Variants in EEF1AKMT2 observed in about 807,000 individuals in gnomAD.
EEF1AKMT2 encodes eukaryotic translation elongation factor 1 alpha lysine methyltransferase 2.
Under a neutral mutation model 35.8 loss-of-function variants are expected in EEF1AKMT2, and 32 were observed. The ratio of observed to expected loss-of-function variants is 0.89; its 90% confidence interval spans 0.67 to 1.20. The LOEUF is 1.20. Ranked by LOEUF, EEF1AKMT2 falls within the 50% of genes most tolerant of loss-of-function variation. The pLI, the probability that EEF1AKMT2 is intolerant of heterozygous loss-of-function variation, is 0.00. For synonymous variants in EEF1AKMT2, 121 were observed against 133.7 expected (o/e 0.91, Z 0.65); for missense variants, 330 against 347.5 (o/e 0.95, Z 0.40).
At chr10:124,761,538 T>TA (rs1418156062) in intron 6 of EEF1AKMT2, among the ~76,000 whole-genome samples, 1 of 151,960 alleles carries the variant, frequency 6.6e-6, no homozygotes, top group Non-Finnish European at 1.5e-5. Flanking sequence ...CAGTATGGTT[T>TA]AAAAAAAATT....
At chr10:124,791,672 G>A in intron 1 of EEF1AKMT2, 52 bp downstream of exon 1, 5 of 1,541,410 alleles carry the variant, frequency 3.2e-6, no homozygotes, top group Non-Finnish European at 4.4e-6. Flanking sequence ...CCCTTCTCGG[G>A]GCCCAGGCAG....
Position 124,762,284 on chromosome 10 carries a change from C to A in EEF1AKMT2, c.875+16G>T. On this transcript the variant is annotated intron_variant, in intron 6 of 6. Coordinates refer to ENST00000368836, the MANE Select transcript of EEF1AKMT2 (RefSeq NM_212554.4). Reference sequence around the variant, plus strand: ...TTTTGCTTTTAAAAAATAAATAAAGCTGGAAGGTCACTTACTAAAATGCCA... The same window carrying A: ...TTTTGCTTTTAAAAAATAAATAAAGATGGAAGGTCACTTACTAAAATGCCA... 1 of 1,059,554 alleles carries A rather than the reference C, an allele frequency of 9.4e-7. No individual in the cohort carries two copies. The highest frequency in any genetic ancestry group is 3.1e-5 in the South Asian group (1 of 32,018). The allele number at this position is 1,059,554 out of a possible 1,614,324, so 65.6% of individuals were successfully genotyped here. A position where few individuals can be genotyped will look rare whatever the true frequency, so the allele number is the denominator to read the frequency against.
At chr10:124,781,363 G>A (rs1002633753) in intron 3 of EEF1AKMT2, among the ~76,000 whole-genome samples, 13 of 151,630 alleles carry the variant, frequency 8.6e-5, no homozygotes, top group African/African-American at 2.7e-4. Context: ...CAGATCATCC[G>A]AGGTCAGAAA....
chr10:124,782,061 C>T (rs1182282804), intron 3 of EEF1AKMT2, among the ~76,000 whole-genome samples: 1 of 152,088 alleles, frequency 6.6e-6, no homozygotes, highest in Non-Finnish European at 1.5e-5. Flanking sequence ...CACCAAAAGA[C>T]ACAGTCAACT....
chr10:124,764,499 C>G (rs993265980), intron 5 of EEF1AKMT2, among the ~76,000 whole-genome samples: 4 of 152,058 alleles, frequency 2.6e-5, no homozygotes, highest in African/African-American at 9.7e-5. Flanking sequence ...TACAGATTCT[C>G]AGTTCTCACA....
At chr10:124,780,692 G>GA (rs1950532277) in intron 3 of EEF1AKMT2, among the ~76,000 whole-genome samples, 3 of 151,000 alleles carry the variant, frequency 2.0e-5, no homozygotes, top group African/African-American at 7.3e-5. Flanking sequence ...AAAAAAAATA[G>GA]AAAAAACAAA....
At chr10:124,765,264 CAG>C in intron 5 of EEF1AKMT2, 126 bp downstream of exon 5, 1 of 717,786 alleles carries the variant, frequency 1.4e-6, no homozygotes, top group Non-Finnish European at 2.4e-6. Flanking sequence ...AGGTAATTAA[CAG>C]AGAAAAAAGC....
chr10:124,780,270 C>T (rs540904015), intron 3 of EEF1AKMT2, among the ~76,000 whole-genome samples: 1 of 152,150 alleles, frequency 6.6e-6, no homozygotes, highest in Admixed American at 6.6e-5. Context: ...GTTTGCTGAC[C>T]CTTAATTTAG....
chr10:124,760,868 T>G (rs1950324936), intron 6 of EEF1AKMT2, among the ~76,000 whole-genome samples: 1 of 152,204 alleles, frequency 6.6e-6, no homozygotes, highest in Non-Finnish European at 1.5e-5. Context: ...CGAGTTTTTT[T>G]GTTTGTTTGT....
intron 3 of EEF1AKMT2, among the ~76,000 whole-genome samples, chr10:124,778,589 T>G (rs1950508829): frequency 6.6e-6 from 1 of 151,888 alleles, no homozygotes; most frequent in South Asian, 2.1e-4. Context: ...CCAGGTGTGG[T>G]GGCACATGCC....
At chr10:124,778,634 G>C (rs1402874730) in intron 3 of EEF1AKMT2, among the ~76,000 whole-genome samples, 1 of 150,440 alleles carries the variant, frequency 6.6e-6, no homozygotes, top group African/African-American at 2.4e-5. Context: ...TGAGGCAAGA[G>C]AATCACTTGA....
Position 124,774,723 on chromosome 10 carries a change from A to G in EEF1AKMT2, c.351T>C (p.Leu117=). The part of the protein sequence containing the change: ...GIDYSPSAIQ[L]SGSIIEKEGL... ...CTTCTTTTTCTATAATACTTCCAGA[A>G]AGCTGAATTGCAGAAGGAGAGTAAT... The change falls in exon 4 of 7, where the codon CTT becomes CTC. Residue 117 remains leucine (L), a synonymous_variant. Coordinates refer to ENST00000368836, the MANE Select transcript of EEF1AKMT2 (RefSeq NM_212554.4). The G allele has an allele frequency of 6.7e-7, 1 of 1,487,446 alleles. No individual in the cohort carries two copies. The allele number at this position is 1,487,446 out of a possible 1,614,324, so 92.1% of individuals were successfully genotyped here. A position where few individuals can be genotyped will look rare whatever the true frequency, so the allele number is the denominator to read the frequency against.
At chr10:124,765,357 G>T (rs551672494) in intron 5 of EEF1AKMT2, 35 bp downstream of exon 5, 5 of 1,551,944 alleles carry the variant, frequency 3.2e-6, no homozygotes, top group South Asian at 2.2e-5. Flanking sequence ...GAAACCTGAG[G>T]TAAGCACACA....
In EEF1AKMT2 at chr10:124,789,094, A is replaced by T; in HGVS notation, c.240T>A (p.Asp80Glu). ...CAGTTCCAATATCAAGCACTGAAGC[A>T]TCCAGTGGAATCTTGTGTTTCTGCA... ...RWMQKHKIPLDASVLDIGTGN... is the reference protein window; with the variant it reads ...RWMQKHKIPLEASVLDIGTGN... The change falls in exon 3 of 7, where the codon GAT becomes GAA. Residue 80 changes from aspartate to glutamate, a missense_variant. Asp to Glu is a conservative substitution (Grantham distance 45, BLOSUM62 2). Coordinates refer to ENST00000368836, the MANE Select transcript of EEF1AKMT2 (RefSeq NM_212554.4). 2 of 1,613,858 alleles carry T rather than the reference A, an allele frequency of 1.2e-6. No homozygotes were observed. The highest frequency in any genetic ancestry group is 1.7e-6 in the Non-Finnish European group (2 of 1,179,868).
chr10:124,789,777 T>G (rs922072001), intron 2 of EEF1AKMT2, among the ~76,000 whole-genome samples: 1 of 147,884 alleles, frequency 6.8e-6, no homozygotes, highest in African/African-American at 2.5e-5. Flanking sequence ...AAAAAAAAAG[T>G]AAAAAATTAA....
At chr10:124,774,134 G>T (rs1375502754) in intron 4 of EEF1AKMT2, among the ~76,000 whole-genome samples, 1 of 152,164 alleles carries the variant, frequency 6.6e-6, no homozygotes, top group South Asian at 2.1e-4. Context: ...CTGGGAGGCC[G>T]AAGCGGGCAG....
intron 3 of EEF1AKMT2, among the ~76,000 whole-genome samples, chr10:124,780,699 CA>C (rs1270904891): frequency 4.7e-5 from 7 of 150,460 alleles, no homozygotes; most frequent in Non-Finnish European, 8.9e-5. Flanking sequence ...ATAGAAAAAA[CA>C]AAAGCTAGAA....
intron 5 of EEF1AKMT2, among the ~76,000 whole-genome samples, chr10:124,764,970 C>T (rs1331349282): frequency 2.0e-5 from 3 of 152,142 alleles, no homozygotes; most frequent in Non-Finnish European, 2.9e-5. Context: ...GGCACAATCT[C>T]GACTCACTGC....
intron 6 of EEF1AKMT2, among the ~76,000 whole-genome samples, chr10:124,761,954 C>T (rs563066350): frequency 5.3e-4 from 80 of 152,160 alleles, no homozygotes; most frequent in African/African-American, 1.8e-3. Context: ...TAAAATAAAA[C>T]GCCAATCAAG....
Sources: gnomAD v4.1 joint callset for allele counts (sites outside exome capture counted in the v4.1 genomes callset) on GRCh38, gnomAD v4.1.1 for gene constraint, MANE v1.5 for transcripts, NCBI Gene and HGNC (gene_info 2026-07-23, HGNC 2026-07-21) for gene names.